ADAM22: variants seen among roughly 807,000 people sequenced by gnomAD.
ADAM22 encodes disintegrin and metalloproteinase domain-containing protein 22.
Under a neutral mutation model 144.6 loss-of-function variants are expected in ADAM22, and 65 were observed. The observed-to-expected ratio is 0.45, with a 90% confidence interval of 0.37 to 0.55. ADAM22 has a LOEUF of 0.55. Among genes scored for constraint, ADAM22 ranks in the 20% least tolerant of loss-of-function variants. The probability of loss-of-function intolerance (pLI) is 0.00; values close to 1 mark genes in which losing one functional copy is unlikely to be tolerated. For missense variants in ADAM22, 974 were observed against 1,184.9 expected (o/e 0.82, Z 2.61); for synonymous variants, 391 against 412.6 (o/e 0.95, Z 0.63).
At chr7:88,075,500 C>A in intron 3 of ADAM22, 126 bp from the exon 4 acceptor site, 1 of 699,348 alleles carries the variant, frequency 1.4e-6, no homozygotes, top group Non-Finnish European at 2.5e-6. Context: ...GAGAGAGAGA[C>A]CTATAAAGTG....
intron 3 of ADAM22, among the ~76,000 whole-genome samples, chr7:88,072,454 G>A (rs924477962): frequency 1.3e-5 from 2 of 152,102 alleles, no homozygotes; most frequent in African/African-American, 4.8e-5. Context: ...AGGAGTATTT[G>A]ACTTAGGTGA....
At chr7:87,986,562 G>A (rs1215774076) in intron 3 of ADAM22, among the ~76,000 whole-genome samples, 1 of 152,154 alleles carries the variant, frequency 6.6e-6, no homozygotes, top group Non-Finnish European at 1.5e-5. Flanking sequence ...GATTCAAAAG[G>A]CCAAACTCAT....
At chr7:88,147,308 AT>A (rs1405538396) in intron 17 of ADAM22, among the ~76,000 whole-genome samples, 6 of 152,338 alleles carry the variant, frequency 3.9e-5, no homozygotes, top group Non-Finnish European at 5.9e-5. Context: ...AGGAGGGAGA[AT>A]AGAAGAAAAA....
intron 3 of ADAM22, among the ~76,000 whole-genome samples, chr7:87,988,648 G>A (rs1377591165): frequency 6.6e-6 from 1 of 152,178 alleles, no homozygotes; most frequent in East Asian, 1.9e-4. Flanking sequence ...TAACTTCAGT[G>A]TTATCCAATT....
chr7:88,075,756 ATTT>A, intron 4 of ADAM22, 64 bp downstream of exon 4: 1 of 1,168,378 alleles, frequency 8.6e-7, no homozygotes, highest in Non-Finnish European at 1.3e-6. Flanking sequence ...ACTGATTATT[ATTT>A]TAATTTTCAA....
At chr7:88,145,605 T>A in intron 17 of ADAM22, 98 bp downstream of exon 17, 1 of 935,054 alleles carries the variant, frequency 1.1e-6, no homozygotes, top group Non-Finnish European at 1.6e-6. Context: ...AAATAGTATC[T>A]AACATATATT....
intron 26 of ADAM22, among the ~76,000 whole-genome samples, chr7:88,174,069 G>A (rs1403137262): frequency 6.6e-6 from 1 of 152,122 alleles, no homozygotes; most frequent in African/African-American, 2.4e-5. Context: ...TAATACTGTT[G>A]TAATGGCTCA....
chr7:88,189,960 TA>T (rs1482278014), intron 30 of ADAM22, among the ~76,000 whole-genome samples: 1 of 151,510 alleles, frequency 6.6e-6, no homozygotes, highest in East Asian at 2.0e-4. Context: ...TAAATAAAAA[TA>T]AAATAACAAA....
chr7:88,103,524 G>C (rs1823522073), intron 4 of ADAM22, among the ~76,000 whole-genome samples: 1 of 151,790 alleles, frequency 6.6e-6, no homozygotes, highest in East Asian at 1.9e-4. Flanking sequence ...ATTTTTTTTA[G>C]CTATAACTAT....
intron 3 of ADAM22, among the ~76,000 whole-genome samples, chr7:88,036,330 T>G (rs764799123): frequency 7.2e-5 from 11 of 152,170 alleles, no homozygotes; most frequent in Middle Eastern, 3.2e-3. Flanking sequence ...GTGTGAATGT[T>G]TTTATTTGCT....
At chr7:87,957,114 A>T (rs1163813647) in intron 2 of ADAM22, among the ~76,000 whole-genome samples, 2 of 152,166 alleles carry the variant, frequency 1.3e-5, no homozygotes, top group African/African-American at 2.4e-5. Flanking sequence ...AGTACCTGTG[A>T]GGCAGCCCTT....
At chr7:88,184,320 C>T (rs3789240) in intron 29 of ADAM22, 60,611 of 430,102 alleles carry the variant, frequency 0.14, 6,703 homozygotes, top group East Asian at 0.47. Context: ...TGAGCCTGGG[C>T]ACTCCCTCGC....
chr7:88,134,995 T>C (rs1832656746), intron 13 of ADAM22, among the ~76,000 whole-genome samples: 1 of 152,068 alleles, frequency 6.6e-6, no homozygotes, highest in African/African-American at 2.4e-5. Context: ...ACAAACATCA[T>C]AAATATTATT....
At chr7:88,065,959 A>G (rs1811148090) in intron 3 of ADAM22, among the ~76,000 whole-genome samples, 1 of 152,152 alleles carries the variant, frequency 6.6e-6, no homozygotes, top group South Asian at 2.1e-4. Flanking sequence ...TTAATTCCAT[A>G]AAATGTCTCC....
chr7:88,098,370 T>C (rs972462973), intron 4 of ADAM22, among the ~76,000 whole-genome samples: 2 of 152,154 alleles, frequency 1.3e-5, no homozygotes, highest in South Asian at 2.1e-4. Flanking sequence ...CCCTGGATTG[T>C]GAATAAAAAT....
At chr7:87,945,360 T>A (rs1250736170) in intron 2 of ADAM22, among the ~76,000 whole-genome samples, 1 of 152,160 alleles carries the variant, frequency 6.6e-6, no homozygotes, top group East Asian at 1.9e-4. Flanking sequence ...AGGTTGGTAT[T>A]AGCTGCAGCT....
chr7:88,153,336 A>G lies in ADAM22; in HGVS notation c.1787+10A>G. ...TACAGTGCAACAAACGGTGAGGTGGAGACGTCAGCCCAGAATTCATCCCTT... is the reference window on the plus strand; with the variant it reads ...TACAGTGCAACAAACGGTGAGGTGGGGACGTCAGCCCAGAATTCATCCCTT... On this transcript the variant is annotated intron_variant, in intron 21 of 31. Coordinates refer to ENST00000413139, the MANE Select transcript of ADAM22 (RefSeq NM_001324418.2). 6.2e-7 allele frequency: 1 copy of G among 1,605,274 alleles called. No homozygotes were observed. Among genetic ancestry groups the G allele is most frequent in the Non-Finnish European group, 8.5e-7 (1 of 1,173,826 alleles).
At chr7:88,164,625 C>T (rs1842536985) in intron 23 of ADAM22, among the ~76,000 whole-genome samples, 1 of 152,016 alleles carries the variant, frequency 6.6e-6, no homozygotes, top group Admixed American at 6.6e-5. Context: ...ATTTCTTCGC[C>T]TTTGTGACTC....
At chr7:88,032,134 G>C (rs1800413217) in intron 3 of ADAM22, among the ~76,000 whole-genome samples, 1 of 152,224 alleles carries the variant, frequency 6.6e-6, no homozygotes, top group Non-Finnish European at 1.5e-5. Context: ...GTGGAGCTCT[G>C]AGAAGAAGGC....
Sources: allele counts gnomAD v4.1 joint callset (sites outside exome capture counted in the v4.1 genomes callset), GRCh38; gene constraint gnomAD v4.1.1; transcripts MANE v1.5; gene names NCBI Gene and HGNC (gene_info 2026-07-23, HGNC 2026-07-21).